The following CHST11 variants were observed in gnomAD, a reference collection of about 807,000 sequenced individuals.
The protein encoded by CHST11 is C4S-1.
CHST11 carries 9 observed loss-of-function variants against 30.4 expected under a neutral mutation model. That is an observed-to-expected ratio of 0.30 (90% CI 0.18 to 0.52). CHST11 has a LOEUF of 0.52. Among genes scored for constraint, CHST11 ranks in the 20% least tolerant of loss-of-function variants. The pLI is 0.97. For missense variants in CHST11, 348 were observed against 460.6 expected, an observed-to-expected ratio of 0.76 and a Z score of 2.24; for synonymous variants, 152 against 187.8, an observed-to-expected ratio of 0.81 and a Z score of 1.56.
chr12:104,622,935 G>A (rs55857339), intron 2 of CHST11, among the ~76,000 whole-genome samples: 6,642 of 152,274 alleles, frequency 0.044, 198 homozygotes, highest in Non-Finnish European at 0.064. Context: ...AAGAGCCAAA[G>A]CACCCCCAAA....
chr12:104,634,502 G>A (rs887779786), intron 2 of CHST11, among the ~76,000 whole-genome samples: 5 of 152,216 alleles, frequency 3.3e-5, no homozygotes, highest in African/African-American at 4.8e-5. Flanking sequence ...GGATGCTCAC[G>A]GTTTGTCCTT....
intron 1 of CHST11, among the ~76,000 whole-genome samples, chr12:104,524,072 G>T (rs2038100638): frequency 7.0e-6 from 1 of 143,302 alleles, no homozygotes; most frequent in Non-Finnish European, 1.5e-5. Flanking sequence ...CTCAATTGGA[G>T]TCATATAGTG....
chr12:104,638,464 CAAT>C (rs958850297), intron 2 of CHST11, among the ~76,000 whole-genome samples: 1 of 152,130 alleles, frequency 6.6e-6, no homozygotes, highest in African/African-American at 2.4e-5. Flanking sequence ...CTGCCCTTCC[CAAT>C]GGAGTGGGAT....
intron 2 of CHST11, among the ~76,000 whole-genome samples, chr12:104,669,047 G>A (rs2039666196): frequency 6.6e-6 from 1 of 152,176 alleles, no homozygotes; most frequent in South Asian, 2.1e-4. Context: ...TGTGGGCAAG[G>A]AACACGGCCC....
intron 2 of CHST11, among the ~76,000 whole-genome samples, chr12:104,693,937 AG>A (rs2136109198): frequency 6.6e-6 from 1 of 152,360 alleles, no homozygotes; most frequent in South Asian, 2.1e-4. Flanking sequence ...TAAATATTTT[AG>A]ATTCTGTGGG....
intron 1 of CHST11, among the ~76,000 whole-genome samples, chr12:104,528,151 G>A (rs888581872): frequency 6.6e-6 from 1 of 152,218 alleles, no homozygotes; most frequent in Admixed American, 6.5e-5. Context: ...TGATGGTTAT[G>A]TCCGTGATAA....
chr12:104,657,385 A>G (rs1474177585), intron 2 of CHST11, among the ~76,000 whole-genome samples: 1 of 152,194 alleles, frequency 6.6e-6, no homozygotes, highest in African/African-American at 2.4e-5. Flanking sequence ...GGTGAGAGAC[A>G]TGATTGATTA....
In CHST11 at chr12:104,757,956, AG is replaced by A; in HGVS notation, c.*156del. 3.6e-6 allele frequency: 3 copies of A among 826,244 alleles called. No individual in the cohort carries two copies. Among genetic ancestry groups the A allele is most frequent in the Non-Finnish European group, 5.5e-6 (3 of 545,814 alleles). 51.2% of individuals were successfully genotyped at this position (826,244 alleles called of 1,614,324 possible). The stretch of plus-strand genomic sequence containing the variant: ...GTGAGAATTATTTAAAATCCTTCGT[AG>A]GGAAGGACAGCTGTCTTTGCAGGGG... On this transcript the variant is annotated 3_prime_UTR_variant, in exon 3 of 3. Transcript: ENST00000303694. The surrounding 1 kb of genome is among the most constrained non-coding windows in gnomAD (Gnocchi z 6.5).
intron 1 of CHST11, among the ~76,000 whole-genome samples, chr12:104,583,433 G>A (rs1369263627): frequency 2.0e-5 from 3 of 152,076 alleles, no homozygotes; most frequent in Non-Finnish European, 2.9e-5. Context: ...GACCGTGGGC[G>A]TGTTTCATCA....
intron 1 of CHST11, among the ~76,000 whole-genome samples, chr12:104,469,860 G>C (rs1156445766): frequency 6.6e-6 from 1 of 152,216 alleles, no homozygotes; most frequent in Non-Finnish European, 1.5e-5. Context: ...AGGCTGCAGA[G>C]TTATCATAGA....
chr12:104,628,975 A>G (rs1040316953), intron 2 of CHST11, among the ~76,000 whole-genome samples: 1 of 152,164 alleles, frequency 6.6e-6, no homozygotes, highest in Non-Finnish European at 1.5e-5. Flanking sequence ...GGGGAGCTGG[A>G]TGGATGGACA....
chr12:104,611,672 G>A (rs2039060820), intron 2 of CHST11, among the ~76,000 whole-genome samples: 1 of 152,186 alleles, frequency 6.6e-6, no homozygotes, highest in South Asian at 2.1e-4. Context: ...CTGGCCATCA[G>A]GGTGGACGGT....
intron 1 of CHST11, among the ~76,000 whole-genome samples, chr12:104,511,937 T>A (rs1403291786): frequency 1.3e-5 from 2 of 152,228 alleles, no homozygotes; most frequent in African/African-American, 4.8e-5. Context: ...AGTATTTGCA[T>A]ATAGCCTACA....
At chr12:104,649,455 G>A (rs554147745) in intron 2 of CHST11, among the ~76,000 whole-genome samples, 31 of 152,290 alleles carry the variant, frequency 2.0e-4, no homozygotes, top group African/African-American at 7.5e-4. Context: ...GGAAAAATGA[G>A]TTTGGAAAGG....
chr12:104,726,119 A>T (rs1240305039), intron 2 of CHST11, among the ~76,000 whole-genome samples: 1 of 152,250 alleles, frequency 6.6e-6, no homozygotes, highest in Non-Finnish European at 1.5e-5. Flanking sequence ...CAACAGAGAG[A>T]TAGCAGAAAG....
chr12:104,549,523 C>T (rs557844311), intron 1 of CHST11, among the ~76,000 whole-genome samples: 2 of 152,266 alleles, frequency 1.3e-5, no homozygotes, highest in East Asian at 3.9e-4. Context: ...AAAGAGATTA[C>T]AAGTGATTTA....
chr12:104,741,893 G>A (rs1276027160), intron 2 of CHST11, among the ~76,000 whole-genome samples: 5 of 152,198 alleles, frequency 3.3e-5, no homozygotes, highest in African/African-American at 1.2e-4. Context: ...ATTACTCAGG[G>A]TGGTGTCTGG....
intron 1 of CHST11, among the ~76,000 whole-genome samples, chr12:104,527,151 A>G (rs1177062671): frequency 6.6e-6 from 1 of 152,210 alleles, no homozygotes; most frequent in Non-Finnish European, 1.5e-5. Flanking sequence ...TAAAAAGGTG[A>G]TTAAGGTAAA....
At chr12:104,613,342 A>G (rs1244341490) in intron 2 of CHST11, among the ~76,000 whole-genome samples, 2 of 152,222 alleles carry the variant, frequency 1.3e-5, no homozygotes, top group African/African-American at 2.4e-5. Flanking sequence ...CTTAAAAAAG[A>G]GGGAAGTTTT....
Sources: gnomAD v4.1 joint callset for allele counts (sites outside exome capture counted in the v4.1 genomes callset) on GRCh38, gnomAD v4.1.1 for gene constraint, Gnocchi (gnomAD v3.1) non-coding constraint, MANE v1.5 for transcripts, NCBI Gene and HGNC (gene_info 2026-07-23, HGNC 2026-07-21) for gene names.